The following NDST4 variants were observed in gnomAD, a reference collection of about 807,000 sequenced individuals.
NDST4 encodes the protein N-deacetylase and N-sulfotransferase 4.
In NDST4, 63 loss-of-function variants were observed where a neutral mutation model predicts 100.8. The ratio of observed to expected loss-of-function variants is 0.62; its 90% CI spans 0.51 to 0.77. The LOEUF is 0.77. Among genes scored for constraint, NDST4 ranks in the 30% least tolerant of loss-of-function variants. The pLI is 0.00. For synonymous variants in NDST4, 377 were observed against 361.8 expected (o/e 1.04, Z -0.48); for missense variants, 943 against 1,018.4 (o/e 0.93, Z 1.01).
chr4:114,875,898 C>A (rs113200472), intron 6 of NDST4, among the ~76,000 whole-genome samples: 114 of 152,222 alleles, frequency 7.5e-4, no homozygotes, highest in African/African-American at 2.6e-3. Context: ...ACTGTATGAT[C>A]ATGAATATCA....
At chr4:115,095,279 C>T (rs990969696) in intron 1 of NDST4, among the ~76,000 whole-genome samples, 20 of 152,136 alleles carry the variant, frequency 1.3e-4, no homozygotes, top group South Asian at 4.1e-4. Context: ...TGATGCTATT[C>T]CCTACCCTCT....
At chr4:114,984,717 G>C (rs1391779158) in intron 2 of NDST4, among the ~76,000 whole-genome samples, 1 of 152,062 alleles carries the variant, frequency 6.6e-6, no homozygotes, top group Non-Finnish European at 1.5e-5. Flanking sequence ...GACCATGCCT[G>C]CCTTAAAACT....
At chr4:115,025,518 G>T (rs536558685) in intron 2 of NDST4, among the ~76,000 whole-genome samples, 2 of 152,204 alleles carry the variant, frequency 1.3e-5, no homozygotes, top group East Asian at 1.9e-4. Context: ...GTTCCTGATA[G>T]AATTTAACCT....
At chr4:114,960,238 C>T (rs759127424) in intron 4 of NDST4, among the ~76,000 whole-genome samples, 12 of 152,232 alleles carry the variant, frequency 7.9e-5, no homozygotes, top group Admixed American at 2.6e-4. Context: ...CATTGCCAAA[C>T]CTCTCTTACA....
intron 2 of NDST4, among the ~76,000 whole-genome samples, chr4:115,045,990 A>G (rs1020771595): frequency 5.3e-5 from 8 of 152,076 alleles, no homozygotes; most frequent in Admixed American, 2.6e-4. Flanking sequence ...CCTATTCACC[A>G]ATTGTGGAAG....
At chr4:114,908,996 G>A (rs1447118266) in intron 6 of NDST4, among the ~76,000 whole-genome samples, 2 of 152,100 alleles carry the variant, frequency 1.3e-5, no homozygotes, top group Admixed American at 6.5e-5. Flanking sequence ...TATGTTTCAA[G>A]TAAAACACAT....
intron 6 of NDST4, among the ~76,000 whole-genome samples, chr4:114,879,073 T>G (rs1351189860): frequency 1.3e-5 from 2 of 152,162 alleles, no homozygotes; most frequent in Admixed American, 1.3e-4. Context: ...TGTATATATT[T>G]ATGAAGTACA....
chr4:115,093,453 T>C (rs548427341), intron 1 of NDST4, among the ~76,000 whole-genome samples: 23 of 151,748 alleles, frequency 1.5e-4, no homozygotes, highest in South Asian at 1.5e-3. Context: ...CCAGCCTGGG[T>C]GACAGAGCAA....
intron 9 of NDST4, 23 bp downstream of exon 9, chr4:114,848,192 T>G: frequency 6.3e-7 from 1 of 1,579,672 alleles, no homozygotes; most frequent in Non-Finnish European, 8.6e-7. Flanking sequence ...ATAATGGAAT[T>G]TATTTTTTGT....
At chr4:115,065,840 T>A (rs1352471983) in intron 2 of NDST4, among the ~76,000 whole-genome samples, 1 of 152,114 alleles carries the variant, frequency 6.6e-6, no homozygotes, top group Non-Finnish European at 1.5e-5. Flanking sequence ...CTATTTCTCA[T>A]TTACCTTGTA....
At chr4:115,016,080 T>C (rs1727670900) in intron 2 of NDST4, among the ~76,000 whole-genome samples, 1 of 152,114 alleles carries the variant, frequency 6.6e-6, no homozygotes, top group Non-Finnish European at 1.5e-5. Flanking sequence ...TTTATAGTCA[T>C]GTTAATCCAT....
At chr4:115,051,636 T>C (rs559036429) in intron 2 of NDST4, among the ~76,000 whole-genome samples, 3 of 152,280 alleles carry the variant, frequency 2.0e-5, no homozygotes, top group Admixed American at 2.0e-4. Context: ...TGTGTATATG[T>C]AGCACATTTT....
chr4:115,050,200 G>A (rs1185327615), intron 2 of NDST4, among the ~76,000 whole-genome samples: 2 of 152,042 alleles, frequency 1.3e-5, no homozygotes, highest in Non-Finnish European at 2.9e-5. Flanking sequence ...TATCCTTAAT[G>A]GTAATAGTTT....
intron 13 of NDST4, among the ~76,000 whole-genome samples, chr4:114,828,828 G>C (rs1242457274): frequency 6.6e-6 from 1 of 152,044 alleles, no homozygotes. Context: ...CAACACAAAT[G>C]GTCTTTTACC....
intron 2 of NDST4, among the ~76,000 whole-genome samples, chr4:115,051,065 T>A (rs913791480): frequency 1.3e-4 from 20 of 152,096 alleles, no homozygotes; most frequent in African/African-American, 4.8e-4. Context: ...TATTTATAAA[T>A]TGTAAGATTT....
At chr4:114,989,056 C>T (rs1184917274) in intron 2 of NDST4, among the ~76,000 whole-genome samples, 1 of 49,282 alleles carries the variant, frequency 2.0e-5, no homozygotes, top group Admixed American at 2.2e-4. Context: ...TTGTCACCTC[C>T]TTGACTCAGC....
intron 2 of NDST4, among the ~76,000 whole-genome samples, chr4:115,057,871 T>C (rs1169902437): frequency 6.6e-6 from 1 of 152,110 alleles, no homozygotes; most frequent in Admixed American, 6.6e-5. Context: ...ATATATATAC[T>C]ATGTGTGCAT....
intron 7 of NDST4, among the ~76,000 whole-genome samples, chr4:114,864,548 A>G (rs1723984969): frequency 6.6e-6 from 1 of 152,176 alleles, no homozygotes; most frequent in Non-Finnish European, 1.5e-5. Flanking sequence ...ACTGATGAGG[A>G]AGTTTAATAG....
chr4:115,073,181 G>A (rs554255122), intron 2 of NDST4, among the ~76,000 whole-genome samples: 53 of 152,142 alleles, frequency 3.5e-4, no homozygotes, highest in South Asian at 1.0e-3. Flanking sequence ...TGTTGGCAGG[G>A]ATGTGGAGAA....
Sources: gnomAD v4.1 joint callset for allele counts (sites outside exome capture counted in the v4.1 genomes callset) on GRCh38, gnomAD v4.1.1 for gene constraint, MANE v1.5 for transcripts, NCBI Gene and HGNC (gene_info 2026-07-23, HGNC 2026-07-21) for gene names.